Variants in PDZD2 observed in about 807,000 individuals in gnomAD.
PDZD2 encodes PDZ domain-containing protein 2.
A neutral mutation model predicts 220.7 loss-of-function variants in PDZD2; 90 were observed. That is an observed-to-expected ratio of 0.41 (90% CI 0.34 to 0.49). The LOEUF (loss-of-function observed/expected upper bound fraction) is 0.49, where lower values mean the gene tolerates loss of function less well. Ranked by LOEUF, PDZD2 falls within the 20% of genes least tolerant of loss-of-function variation. The probability of loss-of-function intolerance (pLI) is 0.28; values close to 1 mark genes in which losing one functional copy is unlikely to be tolerated. For missense variants in PDZD2, 3,174 were observed against 3,608.5 expected (o/e 0.88, Z 3.08); for synonymous variants, 1,375 against 1,450.5 (o/e 0.95, Z 1.18).
chr5:31,668,060 A>G (rs1746073127), intron 1 of PDZD2, among the ~76,000 whole-genome samples: 1 of 151,664 alleles, frequency 6.6e-6, no homozygotes. Flanking sequence ...CGGGGGTTTC[A>G]CCATATTGGC....
At position 32,089,328 on chromosome 5, in the gene PDZD2, C is replaced by T. The variant is rs765839669; in HGVS notation, c.5880C>T (p.Ser1960=). Residue 1960 remains serine (S), a synonymous_variant, in exon 20 of 25, where the codon AGC becomes AGT. Transcript: ENST00000438447. ...GGTCCCCCCAGTGTGTGCTGGAAAG[C>T]AAGCCACCTCTTGCCACCTCTGGGC... ...APRSPQCVLE[S]KPPLATSGPL... is the part of the protein sequence containing the mutation. 1.5e-5 allele frequency: 24 copies of T among 1,614,024 alleles called. No homozygotes were observed. The East Asian group carries it at 5.3e-4, about 36-fold the overall frequency.
intron 1 of PDZD2, among the ~76,000 whole-genome samples, chr5:31,728,638 C>A (rs1286420817): frequency 6.6e-6 from 1 of 152,090 alleles, no homozygotes; most frequent in Non-Finnish European, 1.5e-5. Flanking sequence ...TTCTTGGTTG[C>A]ACAGATTTGT....
chr5:32,091,279 CTTTTTTTTTTTTT>C lies in PDZD2; in HGVS notation c.7727+115_7727+127del, dbSNP rs57254389. ...AAAGATAATGCAGAGTTCCCACTTA[CTTTTTTTTTTTTT>C]TTTTTTTTTTGAGATGGAGCATCGC... is the stretch of plus-strand genomic sequence containing the variant. On this transcript the variant is annotated intron_variant, in intron 20 of 24. Coordinates refer to ENST00000438447, the MANE Select transcript of PDZD2 (RefSeq NM_178140.4). 8.5e-4 allele frequency: 223 copies of C among 262,542 alleles called. 1 individual carries two copies. The East Asian group carries it at 0.014, about 17-fold the overall frequency. The allele number at this position is 262,542 out of a possible 1,614,324, so 16.3% of individuals were successfully genotyped here.
chr5:32,093,094 C>G, intron 21 of PDZD2, 70 bp downstream of exon 21: 1 of 822,760 alleles, frequency 1.2e-6, no homozygotes, highest in Non-Finnish European at 2.1e-6. Flanking sequence ...GTGCTGCCTG[C>G]CCAGACAGCC....
At chr5:31,967,226 T>C (rs1748840460) in intron 2 of PDZD2, among the ~76,000 whole-genome samples, 3 of 152,076 alleles carry the variant, frequency 2.0e-5, no homozygotes, top group African/African-American at 7.2e-5. Context: ...GGAAGGGAAC[T>C]GGAGGGTACA....
At chr5:31,882,350 T>C (rs1335838744) in intron 2 of PDZD2, among the ~76,000 whole-genome samples, 2 of 152,162 alleles carry the variant, frequency 1.3e-5, no homozygotes, top group Non-Finnish European at 2.9e-5. Flanking sequence ...ACACAACTGA[T>C]CGAGGCTGCC....
At chr5:31,967,438 AAGTC>A (rs543276263) in intron 2 of PDZD2, among the ~76,000 whole-genome samples, 67 of 152,294 alleles carry the variant, frequency 4.4e-4, no homozygotes, top group African/African-American at 1.5e-3. Flanking sequence ...GGTTTGGAGA[AAGTC>A]AGGCAGAAAT....
intron 20 of PDZD2, among the ~76,000 whole-genome samples, chr5:32,092,542 A>G (rs936562439): frequency 5.9e-5 from 9 of 152,260 alleles, no homozygotes; most frequent in African/African-American, 2.2e-4. Flanking sequence ...ACTGCACTCC[A>G]GCCTGGGTGA....
In PDZD2 at chr5:31,799,741, C is replaced by T; in HGVS notation, c.476+17C>T. The T allele has an allele frequency of 6.5e-7, 1 of 1,541,618 alleles. No individual in the cohort carries two copies. Among genetic ancestry groups the T allele is most frequent in the East Asian group, 2.2e-5 (1 of 44,452 alleles). On this transcript the variant is annotated intron_variant, in intron 2 of 24. Transcript: ENST00000438447. ...TGGGGCCAGGTAAGTAGGGGGAATG[C>T]CTGCTGGCACAGGGGCTGGACACGG... is the stretch of plus-strand genomic sequence containing the variant.
At chr5:32,107,422 T>C (rs1372833515) in intron 24 of PDZD2, 9 of 150,210 alleles carry the variant, frequency 6.0e-5, no homozygotes, top group Admixed American at 4.6e-4. Context: ...CTGTGCATGG[T>C]GGTGTATGCC....
At chr5:31,952,406 T>C (rs1747260213) in intron 2 of PDZD2, among the ~76,000 whole-genome samples, 1 of 152,240 alleles carries the variant, frequency 6.6e-6, no homozygotes, top group African/African-American at 2.4e-5. Flanking sequence ...GAACCTCAGT[T>C]GAAAACTTTT....
rs760680271 is a variant in PDZD2, at chr5:31,984,570, G to GGCAGCTTGTGACTGTAGTCCCA, written c.978+940_978+961dup. 6.3e-3 allele frequency among the ~76,000 whole-genome samples: 952 copies of GGCAGCTTGTGACTGTAGTCCCA among 152,098 alleles called. 14 individuals are homozygous for GGCAGCTTGTGACTGTAGTCCCA. Among genetic ancestry groups the GGCAGCTTGTGACTGTAGTCCCA allele is most frequent in the African/African-American group, 0.021 (865 of 41,418 alleles). On this transcript the variant is annotated intron_variant, in intron 3 of 24. Coordinates refer to ENST00000438447, the MANE Select transcript of PDZD2 (RefSeq NM_178140.4). ...GGAGTATCAAGTTGAGGCCAGGCGC[G>GGCAGCTTGTGACTGTAGTCCCA]GCAGCTTGTGACTGTAGTCCCAGCA...
intron 1 of PDZD2, among the ~76,000 whole-genome samples, chr5:31,770,978 A>G (rs1291315738): frequency 6.6e-6 from 1 of 152,114 alleles, no homozygotes; most frequent in Admixed American, 6.6e-5. Flanking sequence ...CTAAAGAAGC[A>G]TGTATGGTTG....
intron 2 of PDZD2, among the ~76,000 whole-genome samples, chr5:31,859,378 A>G (rs1737469651): frequency 6.6e-6 from 1 of 151,790 alleles, no homozygotes; most frequent in Non-Finnish European, 1.5e-5. Context: ...TATACTTTCT[A>G]TCTCCTTTTA....
chr5:31,882,819 A>G (rs1016627194), intron 2 of PDZD2, among the ~76,000 whole-genome samples: 3 of 152,018 alleles, frequency 2.0e-5, no homozygotes, highest in African/African-American at 7.2e-5. Flanking sequence ...ACTTGAGGCC[A>G]GGAGTTGGAG....
chr5:31,688,878 C>G (rs1480454413), intron 1 of PDZD2, among the ~76,000 whole-genome samples: 1 of 152,148 alleles, frequency 6.6e-6, no homozygotes, highest in African/African-American at 2.4e-5. Context: ...TTTTTGTTTC[C>G]TTTCCAGGCT....
chr5:31,914,922 C>G (rs944303019), intron 2 of PDZD2, among the ~76,000 whole-genome samples: 2 of 152,068 alleles, frequency 1.3e-5, no homozygotes, highest in African/African-American at 4.8e-5. Flanking sequence ...TTACAGTGAG[C>G]CTGGCGGGGA....
intron 2 of PDZD2, among the ~76,000 whole-genome samples, chr5:31,850,659 C>T (rs1580892124): frequency 1.6e-5 from 2 of 123,098 alleles, no homozygotes; most frequent in Non-Finnish European, 1.6e-5. Context: ...TTTTTTGAGA[C>T]GGAGTCTTGC....
At chr5:31,694,208 A>G (rs1014097053) in intron 1 of PDZD2, among the ~76,000 whole-genome samples, 1 of 152,134 alleles carries the variant, frequency 6.6e-6, no homozygotes, top group Non-Finnish European at 1.5e-5. Flanking sequence ...CCTGGCCAAC[A>G]TGGTGAAACC....
Sources: gnomAD v4.1 joint callset for allele counts (sites outside exome capture counted in the v4.1 genomes callset) on GRCh38, gnomAD v4.1.1 for gene constraint, MANE v1.5 for transcripts, NCBI Gene and HGNC (gene_info 2026-07-23, HGNC 2026-07-21) for gene names.